The following CD9 variants were observed in gnomAD, a reference collection of about 807,000 sequenced individuals.
The protein encoded by CD9 is CD9 molecule, also known as CD9 antigen.
CD9 carries 10 observed loss-of-function variants against 31.4 expected under a neutral mutation model. The observed-to-expected ratio is 0.32, with a 90% confidence interval of 0.20 to 0.54. CD9 has a LOEUF of 0.54. Ranked by LOEUF, CD9 falls within the 20% of genes least tolerant of loss-of-function variation. The probability of loss-of-function intolerance (pLI) is 0.94; values close to 1 mark genes in which losing one functional copy is unlikely to be tolerated. For synonymous variants in CD9, 113 were observed against 114.1 expected (o/e 0.99, Z 0.06); for missense variants, 259 against 300.1 (o/e 0.86, Z 1.01).
intron 1 of CD9, among the ~76,000 whole-genome samples, chr12:6,203,833 T>C (rs1371477110): frequency 1.3e-5 from 2 of 152,188 alleles, no homozygotes; most frequent in Admixed American, 6.5e-5. Flanking sequence ...TCTGCCCTCT[T>C]TCTGGTCAGA....
At chr12:6,223,814 C>G (rs552419810) in intron 1 of CD9, among the ~76,000 whole-genome samples, 2 of 152,176 alleles carry the variant, frequency 1.3e-5, no homozygotes, top group African/African-American at 4.8e-5. Context: ...TGGAGACTCA[C>G]GCTTCTCCCC....
Position 6,200,567 on chromosome 12 carries a change from TGA to T in CD9, c.66+4_66+5del. 6.2e-7 allele frequency: 1 copy of T among 1,603,610 alleles called. No individual in the cohort carries two copies. Among genetic ancestry groups the T allele is most frequent in the South Asian group, 1.1e-5 (1 of 90,384 alleles). On this transcript the variant is annotated splice_donor_region_variant and intron_variant, in intron 1 of 7. Transcript: ENST00000009180. ...TTCGGATTTAACTTCATCTTCTGGG[TGA>T]GTGAGCGCGACTGCCGCGCGCTCCT...
chr12:6,231,397 A>G (rs116478652), intron 2 of CD9, among the ~76,000 whole-genome samples: 33 of 152,334 alleles, frequency 2.2e-4, no homozygotes, highest in African/African-American at 7.2e-4. Flanking sequence ...AGAGTCACAG[A>G]TCTGGTGCTC....
intron 1 of CD9, among the ~76,000 whole-genome samples, chr12:6,207,454 G>A (rs184242193): frequency 1.9e-4 from 29 of 152,280 alleles, no homozygotes; most frequent in South Asian, 4.1e-4. Context: ...GTTTTCACTC[G>A]GTTAATTTAA....
At chr12:6,219,604 G>T (rs1199449229) in intron 1 of CD9, among the ~76,000 whole-genome samples, 3 of 151,840 alleles carry the variant, frequency 2.0e-5, no homozygotes, top group African/African-American at 7.3e-5. Flanking sequence ...TCCTGCCTCA[G>T]CCTCCCAAGT....
chr12:6,229,403 A>G (rs959704973), intron 2 of CD9, among the ~76,000 whole-genome samples: 12 of 152,226 alleles, frequency 7.9e-5, no homozygotes, highest in Non-Finnish European at 1.3e-4. Context: ...CCCTCCTGAA[A>G]CCAGCACAGC....
chr12:6,202,703 C>T (rs990903104), intron 1 of CD9, among the ~76,000 whole-genome samples: 2 of 152,210 alleles, frequency 1.3e-5, no homozygotes, highest in Non-Finnish European at 2.9e-5. Flanking sequence ...ACCCCCTATG[C>T]CTGGCCCCAG....
In CD9 at chr12:6,238,032, G is replaced by T; in HGVS notation, c.*204G>T. 2 of 471,466 alleles carry T rather than the reference G, an allele frequency of 4.2e-6. No homozygotes were observed. The highest frequency in any genetic ancestry group is 7.7e-6 in the Non-Finnish European group (2 of 260,600). 29.2% of individuals were successfully genotyped at this position (471,466 alleles called of 1,614,324 possible). On this transcript the variant is annotated 3_prime_UTR_variant, in exon 8 of 8. Transcript: ENST00000009180. ...TCAATATTGACATTTGTAGTTGAGC[G>T]GGGGGTTTGGTTTGCTTTGGTTTAT... is the stretch of plus-strand genomic sequence containing the variant.
At chr12:6,203,325 C>T (rs1946095797) in intron 1 of CD9, among the ~76,000 whole-genome samples, 1 of 152,204 alleles carries the variant, frequency 6.6e-6, no homozygotes. Context: ...CCTAAGGGAA[C>T]TGCTTGGGTG....
intron 1 of CD9, among the ~76,000 whole-genome samples, chr12:6,216,299 A>G (rs1946241899): frequency 6.6e-6 from 1 of 152,176 alleles, no homozygotes; most frequent in Non-Finnish European, 1.5e-5. Flanking sequence ...GGGCCTGGAA[A>G]ACTGCTGGTG....
chr12:6,203,226 G>T (rs1946095162), intron 1 of CD9, among the ~76,000 whole-genome samples: 1 of 152,106 alleles, frequency 6.6e-6, no homozygotes, highest in South Asian at 2.1e-4. Flanking sequence ...TCAGAACTAG[G>T]TTACTTTACC....
chr12:6,231,395 A>T (rs2136634446), intron 2 of CD9, among the ~76,000 whole-genome samples: 1 of 152,368 alleles, frequency 6.6e-6, no homozygotes, highest in East Asian at 1.9e-4. Context: ...CCAGAGTCAC[A>T]GATCTGGTGC....
intron 1 of CD9, among the ~76,000 whole-genome samples, chr12:6,215,188 G>A (rs1946232389): frequency 6.6e-6 from 1 of 152,174 alleles, no homozygotes; most frequent in African/African-American, 2.4e-5. Context: ...TGGGCAGTGA[G>A]CTCTCCCTAA....
At chr12:6,225,134 G>A (rs1201737935) in intron 1 of CD9, 2 of 363,808 alleles carry the variant, frequency 5.5e-6, no homozygotes, top group African/African-American at 4.1e-5. Flanking sequence ...ATGGTGTTGC[G>A]TGTAGCTAGA....
chr12:6,219,069 A>C (rs2136616662), intron 1 of CD9, among the ~76,000 whole-genome samples: 1 of 151,716 alleles, frequency 6.6e-6, no homozygotes, highest in African/African-American at 2.4e-5. Flanking sequence ...GCAGTGGCTC[A>C]ATCTCCGCTC....
chr12:6,222,094 C>T (rs1946298927), intron 1 of CD9, among the ~76,000 whole-genome samples: 1 of 152,200 alleles, frequency 6.6e-6, no homozygotes, highest in Non-Finnish European at 1.5e-5. Context: ...TTCAGAGCGC[C>T]TTAGATAGCG....
At position 6,233,143 on chromosome 12, in the gene CD9, ACTAACG is replaced by A. The variant is rs1373119936; in HGVS notation, c.274-267_274-262del. The stretch of plus-strand genomic sequence containing the variant: ...GTAGTTGCCTGCTCACTGACTCTTA[ACTAACG>A]CCTTGTAAATGCTAGTTCTGGGCTC... On this transcript the variant is annotated intron_variant, in intron 3 of 7. Transcript: ENST00000009180. The A allele has an allele frequency of 2.5e-5, 17 of 682,842 alleles. No individual in the cohort carries two copies. The East Asian group carries it at 4.3e-4, about 17-fold the overall frequency. The allele number at this position is 682,842 out of a possible 1,614,324, so 42.3% of individuals were successfully genotyped here.
intron 1 of CD9, among the ~76,000 whole-genome samples, chr12:6,209,053 C>G (rs1946165004): frequency 6.6e-6 from 1 of 152,018 alleles, no homozygotes; most frequent in Non-Finnish European, 1.5e-5. Flanking sequence ...ACTGCAACCT[C>G]TGCCTCCCAG....
At chr12:6,219,369 T>C (rs944427303) in intron 1 of CD9, among the ~76,000 whole-genome samples, 10 of 152,188 alleles carry the variant, frequency 6.6e-5, no homozygotes, top group Non-Finnish European at 1.3e-4. Context: ...GTAAGTCACA[T>C]TGGGACATGC....
Sources: gnomAD v4.1 joint callset for allele counts (sites outside exome capture counted in the v4.1 genomes callset) on GRCh38, gnomAD v4.1.1 for gene constraint, MANE v1.5 for transcripts, NCBI Gene and HGNC (gene_info 2026-07-23, HGNC 2026-07-21) for gene names.